Variants in KRT86 observed in about 807,000 individuals in gnomAD.
KRT86 encodes the protein keratin 86, also known as keratin, type II cuticular Hb6.
In KRT86, 30 loss-of-function variants were observed where a neutral mutation model predicts 41.2. The ratio of observed to expected loss-of-function variants is 0.73; its 90% confidence interval spans 0.54 to 0.99. The LOEUF is 0.99. Among genes scored for constraint, KRT86 ranks in the 50% least tolerant of loss-of-function variants. KRT86 has a pLI of 0.00. For missense variants in KRT86, 561 were observed against 571.4 expected (o/e 0.98, Z 0.19); for synonymous variants, 238 against 238.1 (o/e 1.00, Z 0.00).
At chr12:52,291,411 C>A (rs555244465) in intron 2 of KRT86, 14 of 1,611,304 alleles carry the variant, frequency 8.7e-6, no homozygotes, top group Non-Finnish European at 1.2e-5. Context: ...GGCCGCGGCC[C>A]GCAGGCCGAG....
rs367880650 is a variant in KRT86 at position 52,287,675 on chromosome 12, C to T, written c.-5+11729C>T. 34 of 1,613,768 alleles carry T rather than the reference C, an allele frequency of 2.1e-5. No individual in the cohort carries two copies. Among genetic ancestry groups the T allele is most frequent in the Middle Eastern group, 1.6e-4 (1 of 6,076 alleles). On this transcript the variant is annotated intron_variant, in intron 2 of 10. Coordinates refer to ENST00000423955, the MANE Select transcript of KRT86 (RefSeq NM_001320198.2). ...CTCATTGATCTCCTCCTTGGTGCGG[C>T]GCAGGGTCTCCCCGTGCCTGATCAC...
chr12:52,275,764 C>A (rs777133603), intron 1 of KRT86, 57 bp from the exon 2 acceptor site: 209 of 871,192 alleles, frequency 2.4e-4, no homozygotes, highest in Non-Finnish European at 2.9e-4. Flanking sequence ...GGATGGGCAG[C>A]CCTGTCTGGC....
chr12:52,277,877 C>T (rs1937670008), intron 2 of KRT86: 1 of 152,250 alleles, frequency 6.6e-6, no homozygotes, highest in African/African-American at 2.4e-5. Flanking sequence ...AGGTTTCTCT[C>T]ACCATCTTAC....
At chr12:52,279,074 C>A (rs148098647) in intron 2 of KRT86, 1,537 of 137,790 alleles carry the variant, frequency 0.011, 10 homozygotes, top group Non-Finnish European at 0.017. Context: ...CTCGGACAGT[C>A]GTCCTCCGTT....
At chr12:52,296,359 C>A (rs765846218) in intron 2 of KRT86, among the ~76,000 whole-genome samples, 7 of 152,082 alleles carry the variant, frequency 4.6e-5, no homozygotes, top group Non-Finnish European at 1.0e-4. Context: ...ATGGGGGAAG[C>A]AGCACAGCAC....
intron 2 of KRT86, chr12:52,291,333 A>C: frequency 6.4e-7 from 1 of 1,558,850 alleles, no homozygotes; most frequent in South Asian, 1.2e-5. Flanking sequence ...TGGCTGCCGA[A>C]GCCCCCGGTG....
At chr12:52,281,003 C>T (rs1937760080) in intron 2 of KRT86, among the ~76,000 whole-genome samples, 1 of 152,062 alleles carries the variant, frequency 6.6e-6, no homozygotes, top group Non-Finnish European at 1.5e-5. Flanking sequence ...CCAGAAGATC[C>T]CCAGGGCTTT....
In KRT86 at chr12:52,306,398, CAG is replaced by C. The variant is rs1385869119; in HGVS notation, c.1247+119_1247+120del. 3 of 1,506,426 alleles carry C rather than the reference CAG, an allele frequency of 2.0e-6. No individual in the cohort carries two copies. The African/African-American group carries it at 4.1e-5, about 21-fold the overall frequency. The allele number at this position is 1,506,426 out of a possible 1,614,324, so 93.3% of individuals were successfully genotyped here. A position where few individuals can be genotyped will look rare whatever the true frequency, so the allele number is the denominator to read the frequency against. ...TTAACCTCCCCACCCTGCAACCAGA[CAG>C]GTAATTTGTGTAAGTCCTTTAAGTA... On this transcript the variant is annotated intron_variant, in intron 9 of 10. Coordinates refer to ENST00000423955, the MANE Select transcript of KRT86 (RefSeq NM_001320198.2).
chr12:52,288,233 G>T (rs994145232), intron 2 of KRT86: 3 of 1,594,706 alleles, frequency 1.9e-6, no homozygotes, highest in Admixed American at 1.7e-5. Context: ...GCTTTCTCTG[G>T]TCCCCAACCC....
At position 52,291,448 on chromosome 12, in the gene KRT86, T is replaced by C. The variant is rs546202958; in HGVS notation, c.-4-10465T>C. On this transcript the variant is annotated intron_variant, in intron 2 of 10. Coordinates refer to ENST00000423955, the MANE Select transcript of KRT86 (RefSeq NM_001320198.2). The stretch of plus-strand genomic sequence containing the variant: ...TGCAGCTGAAGGCGCGCCCACCAAA[T>C]CCTGATCCGCAGGTCATGATCCTCC... 11 of 1,612,764 alleles carry C rather than the reference T, an allele frequency of 6.8e-6. No individual in the cohort carries two copies. In the Admixed American group the frequency reaches 1.3e-4, roughly 20 times the overall value.
chr12:52,285,232 G>T (rs957216068), intron 2 of KRT86, among the ~76,000 whole-genome samples: 1 of 152,138 alleles, frequency 6.6e-6, no homozygotes, highest in African/African-American at 2.4e-5. Context: ...GCCCAGCTTG[G>T]GGCCCAGGCA....
rs775628307 is a variant in KRT86, at chr12:52,301,916, C to G, written c.-1C>G. 6.2e-7 allele frequency: 1 copy of G among 1,613,866 alleles called. No homozygotes were observed. The highest frequency in any genetic ancestry group is 1.1e-5 in the South Asian group (1 of 91,088). ...ACCTCCTCTCTTCCCCAAAAAGCAC[C>G]ATGACTTGTGGATCTTACTGTGGTG... On this transcript the variant is annotated 5_prime_UTR_variant, in exon 3 of 11. Transcript: ENST00000423955.
chr12:52,278,329 C>T (rs545795760), intron 2 of KRT86, among the ~76,000 whole-genome samples: 11 of 152,216 alleles, frequency 7.2e-5, no homozygotes, highest in Non-Finnish European at 1.3e-4. Flanking sequence ...TAGGGACACA[C>T]ACTAGTCTTC....
At chr12:52,274,958 T>C (rs1414731090) in intron 1 of KRT86, 3 of 152,876 alleles carry the variant, frequency 2.0e-5, no homozygotes, top group Non-Finnish European at 4.4e-5. Context: ...TGAGGGGGTG[T>C]GTATAACCTT....
chr12:52,308,480 A>G lies in KRT86; in HGVS notation c.1356A>G (p.Arg452=). The G allele has an allele frequency of 6.2e-7, 1 of 1,610,462 alleles. No homozygotes were observed. The highest frequency in any genetic ancestry group is 8.5e-7 in the Non-Finnish European group (1 of 1,179,894). Reference sequence around the variant, plus strand: ...CTACTGCCCCTGTTGTCTCCACCAGAGTCAGTAGCGTCCCCAGCAACAGCA... The same window carrying G: ...CTACTGCCCCTGTTGTCTCCACCAGGGTCAGTAGCGTCCCCAGCAACAGCA... ...ASTTAPVVST[R]VSSVPSNSNV... Residue 452 remains arginine, a synonymous_variant, in exon 11 of 11, where the codon AGA becomes AGG. Transcript: ENST00000423955.
At chr12:52,284,302 G>C (rs893454645) in intron 2 of KRT86, among the ~76,000 whole-genome samples, 16 of 152,150 alleles carry the variant, frequency 1.1e-4, no homozygotes, top group Non-Finnish European at 2.1e-4. Context: ...AAGCTGTCCT[G>C]CTTCGGCCCC....
chr12:52,287,293 C>G (rs1937977191), intron 2 of KRT86: 2 of 1,614,084 alleles, frequency 1.2e-6, no homozygotes, highest in South Asian at 2.2e-5. Flanking sequence ...GCTGCTCAGA[C>G]TGGGCCACCG....
At chr12:52,287,315 T>TCC in intron 2 of KRT86, 1 of 1,614,094 alleles carries the variant, frequency 6.2e-7, no homozygotes, top group East Asian at 2.2e-5. Context: ...GGCCTCCAGC[T>TCC]TGGAGTTCTG....
chr12:52,293,597 G>T (rs1199813495), intron 2 of KRT86, among the ~76,000 whole-genome samples: 2 of 152,154 alleles, frequency 1.3e-5, no homozygotes, highest in East Asian at 1.9e-4. Context: ...GAGGCTACTT[G>T]GGGGCTGGGA....
Sources: allele counts gnomAD v4.1 joint callset (sites outside exome capture counted in the v4.1 genomes callset), GRCh38; gene constraint gnomAD v4.1.1; transcripts MANE v1.5; gene names NCBI Gene and HGNC (gene_info 2026-07-23, HGNC 2026-07-21).